Variants in CTNNA2 observed in about 807,000 individuals in gnomAD.
CTNNA2 encodes catenin alpha-2.
In CTNNA2, 42 loss-of-function variants were observed where a neutral mutation model predicts 101.0. The ratio of observed to expected loss-of-function variants is 0.42; its 90% confidence interval spans 0.32 to 0.54. The LOEUF (loss-of-function observed/expected upper bound fraction) is 0.54. Ranked by LOEUF, CTNNA2 falls within the 20% of genes least tolerant of loss-of-function variation. The pLI, the probability that CTNNA2 is intolerant of heterozygous loss-of-function variation, is 0.14. For missense variants in CTNNA2, 871 were observed against 1,223.1 expected, an observed-to-expected ratio of 0.71 and a Z score of 4.29; for synonymous variants, 450 against 456.4, an observed-to-expected ratio of 0.99 and a Z score of 0.18.
intron 7 of CTNNA2, among the ~76,000 whole-genome samples, chr2:79,973,419 T>A (rs1243643842): frequency 1.3e-5 from 2 of 152,148 alleles, no homozygotes; most frequent in African/African-American, 4.8e-5. Context: ...CTAGAGATAT[T>A]ATTATCACTT....
chr2:79,545,620 T>C (rs1383125511), intron 1 of CTNNA2, among the ~76,000 whole-genome samples: 1 of 152,206 alleles, frequency 6.6e-6, no homozygotes, highest in Non-Finnish European at 1.5e-5. Context: ...GATGTTGTTT[T>C]CTTTTTTTAA....
chr2:80,041,700 C>A (rs575479594), intron 7 of CTNNA2, among the ~76,000 whole-genome samples: 1 of 152,120 alleles, frequency 6.6e-6, no homozygotes, highest in Non-Finnish European at 1.5e-5. Flanking sequence ...ATGGATAATA[C>A]ATAAAACAAA....
At chr2:80,504,420 C>G (rs1166691429) in intron 9 of CTNNA2, among the ~76,000 whole-genome samples, 2 of 152,066 alleles carry the variant, frequency 1.3e-5, no homozygotes, top group Admixed American at 6.5e-5. Flanking sequence ...TTTGCTTGAC[C>G]AAAGTAAATT....
At chr2:80,101,290 G>T (rs988758259) in intron 7 of CTNNA2, among the ~76,000 whole-genome samples, 2 of 152,166 alleles carry the variant, frequency 1.3e-5, no homozygotes, top group Non-Finnish European at 2.9e-5. Flanking sequence ...GTGATTGCCA[G>T]ATGACAGGCC....
chr2:79,485,221 T>TA (rs11320348), intron 4 of CTNNA2, among the ~76,000 whole-genome samples: 117 of 150,390 alleles, frequency 7.8e-4, no homozygotes, highest in East Asian at 3.3e-3. Flanking sequence ...TTATACTAAG[T>TA]AAAAAAAAAA....
chr2:80,240,598 C>G lies in CTNNA2; in HGVS notation c.1057-152613C>G, dbSNP rs543490600. ...ATTTTGTGTCCAAATCTTTGTTTCTCTTTCCTTCCCACACAGCATTAATAA... is the reference window on the plus strand; with the variant it reads ...ATTTTGTGTCCAAATCTTTGTTTCTGTTTCCTTCCCACACAGCATTAATAA... On this transcript the variant is annotated intron_variant, in intron 7 of 18. Transcript: ENST00000402739. Among the ~76,000 whole-genome samples, 221 of 152,244 alleles carry G rather than the reference C, an allele frequency of 1.5e-3. 3 individuals carry two copies. Among genetic ancestry groups the G allele is most frequent in the Non-Finnish European group, 3.4e-4 (23 of 68,028 alleles).
intron 7 of CTNNA2, among the ~76,000 whole-genome samples, chr2:80,256,111 G>C (rs531030736): frequency 6.6e-6 from 1 of 152,234 alleles, no homozygotes; most frequent in African/African-American, 2.4e-5. Context: ...CAGGTTACCA[G>C]CCACTCTCCC....
intron 9 of CTNNA2, among the ~76,000 whole-genome samples, chr2:80,521,312 G>A (rs1573115867): frequency 6.6e-6 from 1 of 152,278 alleles, no homozygotes; most frequent in African/African-American, 2.4e-5. Context: ...GGAAGGAGAT[G>A]GGAGTCTTTA....
At chr2:79,979,675 C>T (rs1344560584) in intron 7 of CTNNA2, among the ~76,000 whole-genome samples, 1 of 150,974 alleles carries the variant, frequency 6.6e-6, no homozygotes, top group East Asian at 1.9e-4. Flanking sequence ...AACTACAGTA[C>T]GACAAGACAA....
intron 2 of CTNNA2, among the ~76,000 whole-genome samples, chr2:79,225,011 T>C (rs974930209): frequency 1.3e-5 from 2 of 152,040 alleles, no homozygotes; most frequent in African/African-American, 4.8e-5. Flanking sequence ...CTCCAGTTTG[T>C]TTATCTATTA....
chr2:79,408,131 G>C (rs1036213523), intron 4 of CTNNA2, among the ~76,000 whole-genome samples: 46 of 151,912 alleles, frequency 3.0e-4, no homozygotes, highest in African/African-American at 1.1e-3. Context: ...GCCTGACTCT[G>C]AGAATCCGTC....
At chr2:80,530,078 C>G (rs1337824563) in intron 9 of CTNNA2, among the ~76,000 whole-genome samples, 1 of 152,156 alleles carries the variant, frequency 6.6e-6, no homozygotes. Context: ...TGGTCCACTA[C>G]TGACCATGGC....
At chr2:79,388,663 C>A (rs1029432418) in intron 4 of CTNNA2, among the ~76,000 whole-genome samples, 3 of 152,176 alleles carry the variant, frequency 2.0e-5, no homozygotes, top group South Asian at 2.1e-4. Context: ...GGGCTCCAGA[C>A]TTTCTGCAAA....
At chr2:79,525,188 A>G (rs1265425322) in intron 1 of CTNNA2, among the ~76,000 whole-genome samples, 2 of 151,994 alleles carry the variant, frequency 1.3e-5, no homozygotes, top group African/African-American at 2.4e-5. Context: ...TATTGATACA[A>G]TAGCCAGTAC....
At chr2:79,197,397 T>C (rs562852933) in intron 1 of CTNNA2, among the ~76,000 whole-genome samples, 2 of 152,308 alleles carry the variant, frequency 1.3e-5, no homozygotes, top group South Asian at 4.1e-4. Context: ...TGGACCTCAA[T>C]TGGAAACTGG....
rs150061994 is a variant in CTNNA2 at position 79,940,040 on chromosome 2, C to T, written c.1056+30243C>T. 3.7e-3 allele frequency among the ~76,000 whole-genome samples: 563 copies of T among 152,074 alleles called. 3 individuals carry two copies. Among genetic ancestry groups the T allele is most frequent in the African/African-American group, 0.013 (525 of 41,476 alleles). On this transcript the variant is annotated intron_variant, in intron 7 of 18. Transcript: ENST00000402739. Reference sequence around the variant, plus strand: ...CTGGGAGGCAGAGGTTGTGGTGAGCCGAGATTGCACCATTCCGTCTCAAAC... The same window carrying T: ...CTGGGAGGCAGAGGTTGTGGTGAGCTGAGATTGCACCATTCCGTCTCAAAC...
At chr2:79,618,215 T>A (rs1303454672) in intron 1 of CTNNA2, among the ~76,000 whole-genome samples, 1 of 152,234 alleles carries the variant, frequency 6.6e-6, no homozygotes, top group East Asian at 1.9e-4. Context: ...ATGTCCTTAT[T>A]TTTAAATGTT....
At chr2:79,244,076 C>G (rs1221535431) in intron 2 of CTNNA2, among the ~76,000 whole-genome samples, 5 of 152,184 alleles carry the variant, frequency 3.3e-5, no homozygotes, top group Non-Finnish European at 7.3e-5. Context: ...ATCCATTTCT[C>G]TCCCTGCCCT....
intron 7 of CTNNA2, among the ~76,000 whole-genome samples, chr2:80,264,882 C>A (rs533023219): frequency 1.3e-5 from 2 of 151,824 alleles, no homozygotes; most frequent in Non-Finnish European, 2.9e-5. Context: ...AATCAATGAC[C>A]AGATTAGAGA....
Sources: gnomAD v4.1 joint callset for allele counts (sites outside exome capture counted in the v4.1 genomes callset) on GRCh38, gnomAD v4.1.1 for gene constraint, MANE v1.5 for transcripts, NCBI Gene and HGNC (gene_info 2026-07-23, HGNC 2026-07-21) for gene names.